ADGRB1: variants seen among roughly 807,000 people sequenced by gnomAD.
ADGRB1 encodes brain-specific angiogenesis inhibitor 1.
A neutral mutation model predicts 175.7 loss-of-function variants in ADGRB1; 36 were observed. That is an observed-to-expected ratio of 0.20 (90% CI 0.16 to 0.27). The LOEUF (loss-of-function observed/expected upper bound fraction) is 0.27, where lower values mean the gene tolerates loss of function less well. ADGRB1 is among the 10% of genes least tolerant of loss of function. The pLI, the probability that ADGRB1 is intolerant of heterozygous loss-of-function variation, is 1.00. For missense variants in ADGRB1, 1,731 were observed against 2,255.3 expected (o/e 0.77, Z 4.71); for synonymous variants, 1,054 against 979.4 (o/e 1.08, Z -1.42).
chr8:142,520,073 ATGG>A (rs1211819425), intron 19 of ADGRB1, among the ~76,000 whole-genome samples: 10 of 132,766 alleles, frequency 7.5e-5, no homozygotes, highest in African/African-American at 1.2e-4. Context: ...AGTGGTGCTG[ATGG>A]TGGTGATGGC....
intron 23 of ADGRB1, among the ~76,000 whole-genome samples, chr8:142,526,335 A>C (rs1157274193): frequency 1.3e-5 from 2 of 152,196 alleles, no homozygotes; most frequent in African/African-American, 4.8e-5. Context: ...GGTGACACAC[A>C]GAGAGGGCCC....
chr8:142,475,333 C>A, intron 2 of ADGRB1, 141 bp from the exon 3 acceptor site: 1 of 867,692 alleles, frequency 1.2e-6, no homozygotes, highest in Non-Finnish European at 1.5e-6. Flanking sequence ...ACCCCCAGGT[C>A]CTCCCAGGCC....
chr8:142,479,593 T>C (rs1841217329), intron 8 of ADGRB1, 100 bp from the exon 9 acceptor site: 1 of 1,547,386 alleles, frequency 6.5e-7, no homozygotes, highest in Admixed American at 1.9e-5. Flanking sequence ...TCCCGTCCTG[T>C]CCTCATAATG....
intron 30 of ADGRB1, 61 bp from the exon 31 acceptor site, chr8:142,544,156 ACTC>A: frequency 2.7e-6 from 4 of 1,499,602 alleles, no homozygotes; most frequent in Non-Finnish European, 3.6e-6. Flanking sequence ...CCTCCCCCCT[ACTC>A]CTCGGGCTCA....
At chr8:142,522,747 A>G (rs1843926272) in intron 22 of ADGRB1, 37 bp downstream of exon 22, 2 of 1,455,846 alleles carry the variant, frequency 1.4e-6, no homozygotes, top group South Asian at 1.4e-5. Flanking sequence ...GGATGGCCAC[A>G]TGGCCCCCCA....
At chr8:142,473,738 T>C (rs554638696) in intron 2 of ADGRB1, among the ~76,000 whole-genome samples, 1 of 152,256 alleles carries the variant, frequency 6.6e-6, no homozygotes, top group Non-Finnish European at 1.5e-5. Context: ...CTGCAGCAGG[T>C]GTGGGGGCCT....
chr8:142,543,301 C>T lies in ADGRB1; in HGVS notation c.4414-102C>T. 30 of 1,483,106 alleles carry T rather than the reference C, an allele frequency of 2.0e-5. No individual in the cohort carries two copies. Among genetic ancestry groups the T allele is most frequent in the Non-Finnish European group, 2.8e-5 (30 of 1,080,440 alleles). The allele number at this position is 1,483,106 out of a possible 1,614,324, so 91.9% of individuals were successfully genotyped here. On this transcript the variant is annotated intron_variant, in intron 28 of 30. Transcript: ENST00000517894. This position sits in a 1 kb window ranked among gnomAD's most constrained non-coding sequence, Gnocchi z 4.4. ...GTCTGGCCTGGTCCCTGAAGGCAGG[C>T]ATGGGGCGAGTGAGTCCCTGATGCC...
chr8:142,482,378 C>T (rs1841403075), intron 11 of ADGRB1, among the ~76,000 whole-genome samples: 3 of 151,400 alleles, frequency 2.0e-5, no homozygotes, highest in African/African-American at 7.3e-5. Context: ...ACACTGAGCC[C>T]TGATTCTGGT....
At chr8:142,524,140 G>T in intron 22 of ADGRB1, 98 bp from the exon 23 acceptor site, 4 of 1,354,660 alleles carry the variant, frequency 3.0e-6, no homozygotes, top group Non-Finnish European at 4.1e-6. Context: ...GTTTTCTTCT[G>T]CCACTTCCCA....
chr8:142,529,925 T>G (rs530300777), intron 24 of ADGRB1, among the ~76,000 whole-genome samples: 109 of 151,668 alleles, frequency 7.2e-4, no homozygotes, highest in South Asian at 1.3e-3. Context: ...CATCTGTGTG[T>G]GTACCTGTGA....
chr8:142,529,584 G>T (rs1369431874), intron 24 of ADGRB1, among the ~76,000 whole-genome samples: 2 of 152,010 alleles, frequency 1.3e-5, no homozygotes, highest in Non-Finnish European at 1.5e-5. Context: ...CTGTGCATGT[G>T]TGAGCGTGCA....
intron 16 of ADGRB1, among the ~76,000 whole-genome samples, chr8:142,489,658 G>C (rs912416945): frequency 2.0e-5 from 3 of 152,154 alleles, no homozygotes; most frequent in African/African-American, 7.2e-5. Context: ...CCCCATCTGT[G>C]CCTGACTCCC....
chr8:142,468,806 C>G (rs1160149227), intron 2 of ADGRB1, among the ~76,000 whole-genome samples: 1 of 152,232 alleles, frequency 6.6e-6, no homozygotes, highest in African/African-American at 2.4e-5. Context: ...TATCCTGCCT[C>G]TGTCTCTGCA....
Position 142,489,052 on chromosome 8 carries a change from G to A in ADGRB1, c.2470G>A (p.Val824Met), listed in dbSNP as rs751615897. 16 of 1,611,814 alleles carry A rather than the reference G, an allele frequency of 9.9e-6. 1 individual carries two copies. The highest frequency in any genetic ancestry group is 6.7e-5 in the Admixed American group (4 of 59,898). Residue 824 changes from valine to methionine, a missense_variant, in exon 15 of 31, where the codon GTG (valine) becomes ATG (methionine). By Grantham distance (21) the Val-to-Met change is conservative. Around this residue, in one of 8 missense-constraint regions of ADGRB1, gnomAD observed 388 missense variants for 630.9 expected, o/e 0.61. Coordinates refer to ENST00000517894, the MANE Select transcript of ADGRB1 (RefSeq NM_001702.3). ...TCTTCCAGAGGCCGATGAAGCATCC[G>A]TGTTTGTGGTGGGCACCGTGCTCTA... ...TGLTEADEAS[V>M]FVVGTVLYRN... is the part of the protein sequence containing the mutation.
At chr8:142,496,502 G>A (rs372733092) in intron 17 of ADGRB1, among the ~76,000 whole-genome samples, 1 of 152,282 alleles carries the variant, frequency 6.6e-6, no homozygotes, top group Non-Finnish European at 1.5e-5. Context: ...AGTTGATGGA[G>A]GCCAGTAGCA....
chr8:142,492,279 C>T lies in ADGRB1; in HGVS notation c.2675+1464C>T, dbSNP rs1330249623. 1.3e-5 allele frequency among the ~76,000 whole-genome samples: 2 copies of T among 152,188 alleles called. No individual in the cohort carries two copies. Among genetic ancestry groups the T allele is most frequent in the Non-Finnish European group, 2.9e-5 (2 of 68,048 alleles). On this transcript the variant is annotated intron_variant, in intron 17 of 30. Transcript: ENST00000517894. This position sits in a 1 kb window ranked among gnomAD's most constrained non-coding sequence, Gnocchi z 4.4. ...CATCGCCCACTGCTCACCACCCTTC[C>T]TCCGGCGGTCACTACCCTCTGATGG... is the stretch of plus-strand genomic sequence containing the variant.
intron 3 of ADGRB1, among the ~76,000 whole-genome samples, 166 bp downstream of exon 3, chr8:142,475,801 G>A (rs1444295876): frequency 1.3e-5 from 2 of 149,242 alleles, no homozygotes; most frequent in Non-Finnish European, 1.5e-5. Flanking sequence ...ACCAGGTAGG[G>A]GCGGGGCCGG....
chr8:142,532,510 G>A (rs906509167), intron 24 of ADGRB1, among the ~76,000 whole-genome samples: 1 of 152,136 alleles, frequency 6.6e-6, no homozygotes, highest in Non-Finnish European at 1.5e-5. Flanking sequence ...GGGTCTACAG[G>A]CAGGTGGCCG....
intron 17 of ADGRB1, among the ~76,000 whole-genome samples, chr8:142,502,901 C>G (rs1563719928): frequency 6.6e-6 from 1 of 151,068 alleles, no homozygotes; most frequent in Non-Finnish European, 1.5e-5. Context: ...ATGGTCGTGT[C>G]TTGAGGTGAT....
Sources: gnomAD v4.1 joint callset for allele counts (sites outside exome capture counted in the v4.1 genomes callset) on GRCh38, gnomAD v4.1.1 for gene constraint, gnomAD v4.1.1 regional missense constraint, Gnocchi (gnomAD v3.1) non-coding constraint, MANE v1.5 for transcripts, NCBI Gene and HGNC (gene_info 2026-07-23, HGNC 2026-07-21) for gene names.